Variants in WIPF2 observed in about 807,000 individuals in gnomAD.
WIPF2 encodes WAS/WASL interacting protein family member 2.
WIPF2 carries 23 observed loss-of-function variants against 38.8 expected under a neutral mutation model. The ratio of observed to expected loss-of-function variants is 0.59; its 90% CI spans 0.43 to 0.84. The LOEUF (loss-of-function observed/expected upper bound fraction) is 0.84. Ranked by LOEUF, WIPF2 falls within the 40% of genes least tolerant of loss-of-function variation. The probability of loss-of-function intolerance (pLI) is 0.00; values close to 1 mark genes in which losing one functional copy is unlikely to be tolerated. For synonymous variants in WIPF2, 210 were observed against 223.2 expected, an observed-to-expected ratio of 0.94 and a Z score of 0.53; for missense variants, 574 against 580.5, an observed-to-expected ratio of 0.99 and a Z score of 0.11.
At chr17:40,276,454 G>T (rs1248746340) in intron 6 of WIPF2, among the ~76,000 whole-genome samples, 1 of 143,586 alleles carries the variant, frequency 7.0e-6, no homozygotes, top group East Asian at 2.1e-4. Context: ...TTGGGAGGTG[G>T]AGGTTGCAGT....
intron 1 of WIPF2, among the ~76,000 whole-genome samples, chr17:40,228,418 A>G (rs1367251616): frequency 6.6e-6 from 1 of 152,124 alleles, no homozygotes; most frequent in Non-Finnish European, 1.5e-5. Context: ...TTGCTATTAC[A>G]AACTATGCTG....
At position 40,282,483 on chromosome 17, in the gene WIPF2, GTC is replaced by G. The variant is rs1354595108; in HGVS notation, c.*4260_*4261del. The G allele has an allele frequency of 6.7e-6, 1 of 149,102 alleles. No homozygotes were observed. The highest frequency in any genetic ancestry group is 2.6e-5 in the African/African-American group (1 of 38,520). 9.2% of individuals were successfully genotyped at this position (149,102 alleles called of 1,614,324 possible). On this transcript the variant is annotated 3_prime_UTR_variant, in exon 8 of 8. Coordinates refer to ENST00000323571, the MANE Select transcript of WIPF2 (RefSeq NM_133264.5). ...CGCGTGTGCGTGTGTGTGTTCATCT[GTC>G]TGCATGTGGATCAATTTCTTTTAGA...
intron 2 of WIPF2, among the ~76,000 whole-genome samples, chr17:40,259,650 A>AG (rs2031837575): frequency 6.6e-6 from 1 of 152,170 alleles, no homozygotes; most frequent in Non-Finnish European, 1.5e-5. Flanking sequence ...ATAGGGAGAC[A>AG]GTAGGGTATG....
chr17:40,244,049 T>C (rs1056776019), intron 1 of WIPF2, among the ~76,000 whole-genome samples: 1 of 152,200 alleles, frequency 6.6e-6, no homozygotes, highest in African/African-American at 2.4e-5. Flanking sequence ...GGTGGCACTT[T>C]CTCCATTGAG....
At chr17:40,274,543 T>G (rs1178001638) in intron 6 of WIPF2, among the ~76,000 whole-genome samples, 1 of 100,136 alleles carries the variant, frequency 1.0e-5, no homozygotes, top group Non-Finnish European at 1.8e-5. Flanking sequence ...ATCCAGCCTT[T>G]CCTTGGAATT....
intron 1 of WIPF2, among the ~76,000 whole-genome samples, chr17:40,227,266 C>T (rs1181586717): frequency 1.3e-5 from 2 of 152,082 alleles, no homozygotes; most frequent in African/African-American, 4.8e-5. Context: ...GTCTCAAACT[C>T]CTGACCTCGT....
chr17:40,271,167 G>T (rs553223836), intron 5 of WIPF2, among the ~76,000 whole-genome samples: 1 of 152,088 alleles, frequency 6.6e-6, no homozygotes, highest in African/African-American at 2.4e-5. Context: ...TTTGAGGTGA[G>T]GTTTCATCAT....
chr17:40,274,557 GAAAAAAAAAAAAAAAAA>G (rs571085371), intron 6 of WIPF2, among the ~76,000 whole-genome samples: 39 of 24,786 alleles, frequency 1.6e-3, no homozygotes, highest in Non-Finnish European at 2.7e-3. Flanking sequence ...TGGAATTCTT[GAAAAAAAAAAAAAAAAA>G]AAAAAAAAAA....
At chr17:40,223,423 T>C (rs1037949511) in intron 1 of WIPF2, among the ~76,000 whole-genome samples, 4 of 152,008 alleles carry the variant, frequency 2.6e-5, no homozygotes, top group African/African-American at 9.7e-5. Flanking sequence ...TGATAAGTTA[T>C]GTGATAGCAC....
intron 1 of WIPF2, among the ~76,000 whole-genome samples, chr17:40,225,829 A>AT (rs1236521155): frequency 6.6e-6 from 1 of 151,370 alleles, no homozygotes; most frequent in African/African-American, 2.4e-5. Context: ...ACTAATTTTT[A>AT]TTTTTTGTAG....
At chr17:40,240,556 A>G (rs1364757439) in intron 1 of WIPF2, among the ~76,000 whole-genome samples, 2 of 148,956 alleles carry the variant, frequency 1.3e-5, no homozygotes, top group African/African-American at 2.5e-5. Flanking sequence ...TCACTAGTGC[A>G]TTTGCTTTTT....
chr17:40,239,202 G>C (rs1254810068), intron 1 of WIPF2, among the ~76,000 whole-genome samples: 2 of 151,788 alleles, frequency 1.3e-5, no homozygotes, highest in Non-Finnish European at 2.9e-5. Flanking sequence ...CTCCCAAGTA[G>C]CTGGGACCAC....
At chr17:40,251,079 A>G (rs927415352) in intron 1 of WIPF2, among the ~76,000 whole-genome samples, 24 of 151,838 alleles carry the variant, frequency 1.6e-4, no homozygotes, top group African/African-American at 5.6e-4. Flanking sequence ...ACGCCCAGCT[A>G]ATTTTTTATG....
intron 5 of WIPF2, among the ~76,000 whole-genome samples, chr17:40,270,882 T>TTGTGTGTGTG (rs373553389): frequency 7.3e-5 from 11 of 150,476 alleles, no homozygotes; most frequent in African/African-American, 2.4e-4. Context: ...TTGTGCCAGA[T>TTGTGTGTGTG]TGTGTGTGTG....
rs2030063518 is a variant in WIPF2 at position 40,219,382 on chromosome 17, GCGGCGGCGGCGGCGGCGA to G, written c.-174_-157del. 9.7e-6 allele frequency: 4 copies of G among 413,066 alleles called. No homozygotes were observed. Among genetic ancestry groups the G allele is most frequent in the Admixed American group, 3.8e-5 (1 of 26,248 alleles). The allele number at this position is 413,066 out of a possible 1,614,324, so 25.6% of individuals were successfully genotyped here. On this transcript the variant is annotated 5_prime_UTR_variant, in exon 1 of 8. Transcript: ENST00000323571. ...AAAAGGGGCGGTGGCGGCGGCGGCG[GCGGCGGCGGCGGCGGCGA>G]CGGCGAGAAAGAGCTTGCCGGGGGG...
intron 3 of WIPF2, among the ~76,000 whole-genome samples, chr17:40,261,455 G>A (rs573051251): frequency 8.6e-5 from 13 of 151,658 alleles, no homozygotes; most frequent in Non-Finnish European, 1.5e-4. Flanking sequence ...GTGCCACCAC[G>A]CCTGGCTAAT....
intron 1 of WIPF2, among the ~76,000 whole-genome samples, chr17:40,229,704 G>A (rs955019154): frequency 3.3e-5 from 5 of 152,196 alleles, no homozygotes; most frequent in Admixed American, 6.5e-5. Flanking sequence ...TTGTAGGTGT[G>A]AGCCACCGTG....
At chr17:40,244,561 T>C (rs1429329361) in intron 1 of WIPF2, among the ~76,000 whole-genome samples, 5 of 152,202 alleles carry the variant, frequency 3.3e-5, no homozygotes, top group Non-Finnish European at 5.9e-5. Flanking sequence ...GTCTGTGGGA[T>C]TAATGAGATA....
chr17:40,270,508 C>T (rs2145403583), intron 5 of WIPF2, among the ~76,000 whole-genome samples: 1 of 152,226 alleles, frequency 6.6e-6, no homozygotes, highest in East Asian at 1.9e-4. Flanking sequence ...TTTGCCATTC[C>T]AGGTCGTCTC....
Sources: gnomAD v4.1 joint callset for allele counts (sites outside exome capture counted in the v4.1 genomes callset) on GRCh38, gnomAD v4.1.1 for gene constraint, MANE v1.5 for transcripts, NCBI Gene and HGNC (gene_info 2026-07-23, HGNC 2026-07-21) for gene names.